The following RHBDF1 variants were observed in gnomAD, a reference collection of about 807,000 sequenced individuals.
The protein encoded by RHBDF1 is rhomboid 5 homolog 1.
Under a neutral mutation model 98.6 loss-of-function variants are expected in RHBDF1, and 80 were observed. The observed-to-expected ratio is 0.81, with a 90% CI of 0.68 to 0.98. RHBDF1 has a LOEUF of 0.98. RHBDF1 is among the 50% of genes least tolerant of loss of function. The pLI is 0.00. For synonymous variants in RHBDF1, 512 were observed against 486.8 expected (o/e 1.05, Z -0.68); for missense variants, 1,116 against 1,198.3 (o/e 0.93, Z 1.01).
chr16:58,924 C>T, intron 17 of RHBDF1, 50 bp downstream of exon 17: 1 of 1,602,060 alleles, frequency 6.2e-7, no homozygotes, highest in South Asian at 1.1e-5. Context: ...AGGTTCACAG[C>T]AGGCTGCAGG....
Position 64,676 on chromosome 16 carries a change from G to A in RHBDF1, c.248+23C>T, listed in dbSNP as rs1164199951. On this transcript the variant is annotated intron_variant, in intron 3 of 17. Coordinates refer to ENST00000262316, the MANE Select transcript of RHBDF1 (RefSeq NM_022450.5). ...ACCAGCCCCCAGCTCCCACCCCATGGAGCAGCTGGGCGGTGTTGGTACCTG... is the reference window on the plus strand; with the variant it reads ...ACCAGCCCCCAGCTCCCACCCCATGAAGCAGCTGGGCGGTGTTGGTACCTG... 4 of 1,592,980 alleles carry A rather than the reference G, an allele frequency of 2.5e-6. No homozygotes were observed. In the African/African-American group the frequency reaches 5.4e-5, roughly 21 times the overall value.
intron 9 of RHBDF1, 55 bp downstream of exon 9, chr16:61,530 G>A: frequency 1.9e-6 from 3 of 1,610,842 alleles, no homozygotes; most frequent in Non-Finnish European, 2.5e-6. Flanking sequence ...GGTCGGGAGG[G>A]GGTCCAGTGC....
intron 4 of RHBDF1, 28 bp from the exon 5 acceptor site, chr16:63,210 C>T (rs1309697431): frequency 6.5e-7 from 1 of 1,531,158 alleles, no homozygotes; most frequent in East Asian, 2.4e-5. Flanking sequence ...ATGCTGGAGT[C>T]AGGACCATGG....
At chr16:73,408 T>C (rs921906383), upstream of RHBDF1, among the ~76,000 whole-genome samples, 7 of 152,150 alleles carry the variant, frequency 4.6e-5, no homozygotes, top group African/African-American at 1.7e-4. Flanking sequence ...GTGTCCACTC[T>C]GGGCTCTTCT....
chr16:63,915 AC>A, intron 3 of RHBDF1, 115 bp from the exon 4 acceptor site: 1 of 936,444 alleles, frequency 1.1e-6, no homozygotes, highest in Non-Finnish European at 1.7e-6. Context: ...CACTCCAGGG[AC>A]CAGGGTCTGA....
rs754055389 is a variant in RHBDF1 at position 59,453 on chromosome 16, C to G, written c.1859G>C (p.Gly620Ala). The G allele has an allele frequency of 1.1e-5, 17 of 1,613,672 alleles. No homozygotes were observed. The highest frequency in any genetic ancestry group is 7.6e-6 in the Non-Finnish European group (9 of 1,179,996). The change falls in exon 15 of 18, where the codon GGC becomes GCC. Residue 620 changes from glycine to alanine, a missense_variant. By Grantham distance (60) the Gly-to-Ala change is moderately conservative. Transcript: ENST00000262316. The part of the protein sequence containing the change: ...TSREYCDFMR[G>A]YFHEEATLCS... ...GAGCGTGGCCTCCTCATGGAAGTAG[C>G]CCCTCATGAAGTCACAGTACTCCCG...
upstream of RHBDF1, among the ~76,000 whole-genome samples, chr16:75,660 G>A (rs1898073199): frequency 6.6e-6 from 1 of 152,192 alleles, no homozygotes; most frequent in Admixed American, 6.5e-5. Flanking sequence ...GCCCCAGGCA[G>A]GGAGGATGTA....
At position 61,782 on chromosome 16, in the gene RHBDF1, T is replaced by C. The variant is rs372098045; in HGVS notation, c.1208+16A>G. On this transcript the variant is annotated intron_variant, in intron 8 of 17. Coordinates refer to ENST00000262316, the MANE Select transcript of RHBDF1 (RefSeq NM_022450.5). Reference sequence around the variant, plus strand: ...GGAGCCTCCATCCCAACCCAGGCCTTGCCTGCCACGCCTACCTGTGGTCGT... The same window carrying C: ...GGAGCCTCCATCCCAACCCAGGCCTCGCCTGCCACGCCTACCTGTGGTCGT... 4.0e-5 allele frequency: 64 copies of C among 1,612,292 alleles called. No individual in the cohort carries two copies. In the Middle Eastern group the frequency reaches 1.2e-3, roughly 29 times the overall value.
chr16:72,642 G>C, upstream of RHBDF1: 1 of 854,870 alleles, frequency 1.2e-6, no homozygotes, highest in African/African-American at 4.7e-5. Context: ...CCTGGAGCGA[G>C]GGGCGTGCGC....
At chr16:75,274 G>A (rs1415331959), upstream of RHBDF1, among the ~76,000 whole-genome samples, 1 of 152,174 alleles carries the variant, frequency 6.6e-6, no homozygotes, top group Non-Finnish European at 1.5e-5. Flanking sequence ...CAAACCCAGG[G>A]TTTGTGGCCC....
Position 58,297 on chromosome 16 carries a change from T to C in RHBDF1, c.*43A>G. The stretch of plus-strand genomic sequence containing the variant: ...GAGGCTCAGGGAGGTCGTGTCTGGC[T>C]CTGGCCTGCTGGAGCACACGGCCGC... On this transcript the variant is annotated 3_prime_UTR_variant, in exon 18 of 18. Coordinates refer to ENST00000262316, the MANE Select transcript of RHBDF1 (RefSeq NM_022450.5). 1 of 1,579,638 alleles carries C rather than the reference T, an allele frequency of 6.3e-7. No homozygotes were observed. Among genetic ancestry groups the C allele is most frequent in the Non-Finnish European group, 8.6e-7 (1 of 1,162,360 alleles).
At chr16:72,470 C>G in intron 1 of RHBDF1, 43 bp downstream of exon 1, 2 of 946,398 alleles carry the variant, frequency 2.1e-6, no homozygotes, top group Non-Finnish European at 2.5e-6. Flanking sequence ...CCCCGGAACC[C>G]GCCCGCCCCC....
At chr16:64,270 AAG>A in intron 3 of RHBDF1, 1 of 1,332,428 alleles carries the variant, frequency 7.5e-7, no homozygotes, top group African/African-American at 1.5e-5. Context: ...GGCAGCTCCC[AAG>A]AGGTCACATG....
Position 61,872 on chromosome 16 carries a change from C to G in RHBDF1, c.1134G>C (p.Arg378=), listed in dbSNP as rs1318523731. The part of the protein sequence containing the change: ...KRPYGLGMVG[R]LTNRTYRKRI... ...GCTTGCGGTAGGTGCGGTTGGTGAG[C>G]CGTCCCACCATGCCCAGCCCATACG... The change falls in exon 8 of 18, where the codon CGG becomes CGC. Residue 378 remains arginine, a synonymous_variant. Transcript: ENST00000262316. 1.9e-6 allele frequency: 3 copies of G among 1,609,712 alleles called. No individual in the cohort carries two copies. Among genetic ancestry groups the G allele is most frequent in the African/African-American group, 2.7e-5 (2 of 74,920 alleles).
upstream of RHBDF1, among the ~76,000 whole-genome samples, chr16:73,158 C>T (rs1159044874): frequency 2.0e-5 from 3 of 152,214 alleles, no homozygotes; most frequent in Non-Finnish European, 4.4e-5. Context: ...TGCGTTCATT[C>T]GCCTGCACAT....
At chr16:60,781 C>A in intron 11 of RHBDF1, 1 of 570,374 alleles carries the variant, frequency 1.8e-6, no homozygotes, top group Non-Finnish European at 3.1e-6. Context: ...GTATGGACTA[C>A]GGCACTTCCA....
At chr16:67,202 G>A (rs1037803218) in intron 1 of RHBDF1, among the ~76,000 whole-genome samples, 1 of 152,208 alleles carries the variant, frequency 6.6e-6, no homozygotes, top group Non-Finnish European at 1.5e-5. Flanking sequence ...GGTGGTGCTC[G>A]GCAAGGGGCT....
intron 12 of RHBDF1, 53 bp downstream of exon 12, chr16:60,386 C>A (rs951897557): frequency 1.9e-6 from 3 of 1,597,294 alleles, no homozygotes; most frequent in Non-Finnish European, 2.6e-6. Context: ...GCACCACAGC[C>A]CCCGGGGAAG....
At chr16:64,455 C>T (rs945267350) in intron 3 of RHBDF1, 28 of 1,488,424 alleles carry the variant, frequency 1.9e-5, no homozygotes, top group Non-Finnish European at 2.3e-5. Context: ...GAGGCAAGAG[C>T]ATCCGGGCGG....
Sources: gnomAD v4.1 joint callset for allele counts (sites outside exome capture counted in the v4.1 genomes callset) on GRCh38, gnomAD v4.1.1 for gene constraint, MANE v1.5 for transcripts, NCBI Gene and HGNC (gene_info 2026-07-23, HGNC 2026-07-21) for gene names.